Variants in LRP1 observed in about 807,000 individuals in gnomAD.
The protein encoded by LRP1 is prolow-density lipoprotein receptor-related protein 1.
In LRP1, 51 loss-of-function variants were observed where a neutral mutation model predicts 541.5. That is an observed-to-expected ratio of 0.09 (90% CI 0.08 to 0.12). The LOEUF is 0.12. LRP1 is among the 10% of genes least tolerant of loss of function. The probability of loss-of-function intolerance (pLI) is 1.00; values close to 1 mark genes in which losing one functional copy is unlikely to be tolerated. For synonymous variants in LRP1, 2,219 were observed against 2,470.8 expected (o/e 0.90, Z 3.02); for missense variants, 3,878 against 6,376.2 (o/e 0.61, Z 13.34).
intron 20 of LRP1, 62 bp downstream of exon 20, chr12:57,169,369 C>T: frequency 2.0e-6 from 3 of 1,471,130 alleles, no homozygotes; most frequent in Non-Finnish European, 2.8e-6. Flanking sequence ...GACACCCAGC[C>T]TATCCATCTG....
At chr12:57,144,863 TC>T (rs1272499115) in intron 4 of LRP1, 108 bp from the exon 5 acceptor site, 64 of 1,113,322 alleles carry the variant, frequency 5.7e-5, no homozygotes, top group Non-Finnish European at 8.0e-5. Flanking sequence ...TGCCGAACTG[TC>T]CTTCAAGGTA....
rs1417992708 is a variant in LRP1 at position 57,165,405 on chromosome 12, T to C, written c.2531-400T>C. 1 of 174,884 alleles carries C rather than the reference T, an allele frequency of 5.7e-6. No homozygotes were observed. The highest frequency in any genetic ancestry group is 2.4e-5 in the African/African-American group (1 of 41,916). The allele number at this position is 174,884 out of a possible 1,614,324, so 10.8% of individuals were successfully genotyped here. A position where few individuals can be genotyped will look rare whatever the true frequency, so the allele number is the denominator to read the frequency against. The stretch of plus-strand genomic sequence containing the variant: ...TCTTCACTTCTGCTGGTGGGACCGA[T>C]GAAACTGTGAAATAAAAAGTCCAGG... On this transcript the variant is annotated intron_variant, in intron 15 of 88. Transcript: ENST00000243077. This position sits in a 1 kb window ranked among gnomAD's most constrained non-coding sequence, Gnocchi z 4.5.
At position 57,181,170 on chromosome 12, in the gene LRP1, C is replaced by G. The variant is rs1427667945; in HGVS notation, c.5541C>G (p.Thr1847=). The change falls in exon 34 of 89, where the codon ACC becomes ACG. Residue 1847 remains threonine (T), a synonymous_variant. Transcript: ENST00000243077. Reference sequence around the variant, plus strand: ...ACCTGCCCCCAGACCATAAGGGCACCAACCCCTGCAGTGTCAACAACGGTG... The same window carrying G: ...ACCTGCCCCCAGACCATAAGGGCACGAACCCCTGCAGTGTCAACAACGGTG... ...DESIQLDHKG[T]NPCSVNNGDC... 1 of 1,613,366 alleles carries G rather than the reference C, an allele frequency of 6.2e-7. No homozygotes were observed. Among genetic ancestry groups the G allele is most frequent in the African/African-American group, 1.3e-5 (1 of 74,928 alleles).
chr12:57,193,854 C>T, intron 47 of LRP1, 45 bp from the exon 48 acceptor site: 1 of 1,599,698 alleles, frequency 6.3e-7, no homozygotes. Context: ...CTGGCCCCCA[C>T]AGAGAAAACT....
intron 77 of LRP1, 117 bp downstream of exon 77, chr12:57,208,333 T>G: frequency 9.1e-7 from 1 of 1,096,202 alleles, no homozygotes; most frequent in Non-Finnish European, 1.3e-6. Context: ...GAGGACAGAG[T>G]CCTTTTCAGT....
intron 22 of LRP1, among the ~76,000 whole-genome samples, chr12:57,174,349 CACAGAGAGA>C (rs2036002950): frequency 6.6e-6 from 1 of 152,178 alleles, no homozygotes; most frequent in Non-Finnish European, 1.5e-5. Context: ...ACATGCATAC[CACAGAGAGA>C]TGCGGAGTGC....
In LRP1 at chr12:57,181,359, C is replaced by A; in HGVS notation, c.5662+68C>A. The stretch of plus-strand genomic sequence containing the variant: ...ACCCTGACCCCTCCTACCCTACAGC[C>A]CCACCTTCCTCTTCTTACCTTGGGG... On this transcript the variant is annotated intron_variant, in intron 34 of 88. Transcript: ENST00000243077. 2.0e-6 allele frequency: 3 copies of A among 1,531,320 alleles called. No individual in the cohort carries two copies. In the South Asian group the frequency reaches 3.7e-5, roughly 19 times the overall value. 94.9% of individuals were successfully genotyped at this position (1,531,320 alleles called of 1,614,324 possible). A position where few individuals can be genotyped will look rare whatever the true frequency, so the allele number is the denominator to read the frequency against.
chr12:57,193,771 G>C, intron 47 of LRP1, 86 bp downstream of exon 47: 1 of 1,609,730 alleles, frequency 6.2e-7, no homozygotes, highest in Non-Finnish European at 8.5e-7. Flanking sequence ...TGGGCCCCGT[G>C]GTGTCTGGTT....
chr12:57,166,250 C>T (rs1410517652), intron 17 of LRP1, 41 bp downstream of exon 17: 4 of 1,558,976 alleles, frequency 2.6e-6, no homozygotes, highest in Non-Finnish European at 3.5e-6. Context: ...ACCCCTCAGT[C>T]AAGGAGGCAG....
Position 57,165,760 on chromosome 12 carries a change from G to T in LRP1, c.2531-45G>T, listed in dbSNP as rs760331716. The T allele has an allele frequency of 3.1e-6, 5 of 1,594,702 alleles. No homozygotes were observed. Among genetic ancestry groups the T allele is most frequent in the South Asian group, 2.2e-5 (2 of 90,612 alleles). ...GCAAAGGGCTTAGTACTTGTCCCAC[G>T]ACCGGGGTCTGACTTTCCCCCTCAC... On this transcript the variant is annotated intron_variant, in intron 15 of 88. Transcript: ENST00000243077. This position sits in a 1 kb window ranked among gnomAD's most constrained non-coding sequence, Gnocchi z 4.5.
intron 77 of LRP1, 182 bp from the exon 78 acceptor site, chr12:57,208,529 A>C (rs2036836982): frequency 1.7e-6 from 1 of 590,552 alleles, no homozygotes; most frequent in African/African-American, 1.9e-5. Flanking sequence ...CTGTGGTTTT[A>C]GAGGAAAAGC....
chr12:57,166,561 A>G (rs1381460803), intron 17 of LRP1: 8 of 388,050 alleles, frequency 2.1e-5, no homozygotes, highest in Non-Finnish European at 3.7e-5. Flanking sequence ...ACCTGTCTCT[A>G]AAAATAAAAT....
chr12:57,185,296 G>A lies in LRP1; in HGVS notation c.6463+91G>A. The A allele has an allele frequency of 6.4e-7, 1 of 1,551,434 alleles. No individual in the cohort carries two copies. Among genetic ancestry groups the A allele is most frequent in the Non-Finnish European group, 8.8e-7 (1 of 1,141,072 alleles). ...CAGGGAACCCAGTGTGAGAGGGCTG[G>A]GAGACAAGTTAGACCCATGGGGCAA... On this transcript the variant is annotated intron_variant, in intron 40 of 88. Coordinates refer to ENST00000243077, the MANE Select transcript of LRP1 (RefSeq NM_002332.3). This position sits in a 1 kb window ranked among gnomAD's most constrained non-coding sequence, Gnocchi z 4.9.
At chr12:57,192,387 C>T (rs547089848) in intron 44 of LRP1, among the ~76,000 whole-genome samples, 11 of 152,290 alleles carry the variant, frequency 7.2e-5, no homozygotes, top group African/African-American at 2.6e-4. Flanking sequence ...CCTCGGTGCC[C>T]CTACCCTCAC....
chr12:57,134,974 G>A (rs1327868541), intron 1 of LRP1, among the ~76,000 whole-genome samples: 1 of 152,164 alleles, frequency 6.6e-6, no homozygotes, highest in Non-Finnish European at 1.5e-5. Flanking sequence ...CAAAGTACTG[G>A]GATTACAGGC....
At position 57,205,230 on chromosome 12, in the gene LRP1, C is replaced by A. The variant is rs553846743; in HGVS notation, c.11316C>A (p.Asp3772Glu). Residue 3772 changes from aspartate to glutamate, a missense_variant, in exon 73 of 89, where the codon GAC becomes GAA. This residue lies in a region of LRP1 where 871 missense variants were observed against 1,212.4 expected (regional missense o/e 0.72). Coordinates refer to ENST00000243077, the MANE Select transcript of LRP1 (RefSeq NM_002332.3). The surrounding 1 kb of genome is among the most constrained non-coding windows in gnomAD (Gnocchi z 4.6). ...NMFDDCGDGS[D>E]EEDCSIDPKL... is the part of the protein sequence containing the mutation. ...TCGATGACTGCGGGGACGGCTCTGA[C>A]GAGGAGGACTGCAGCATCGGTGAGG... The A allele has an allele frequency of 6.2e-7, 1 of 1,613,328 alleles. No individual in the cohort carries two copies. The highest frequency in any genetic ancestry group is 1.3e-5 in the African/African-American group (1 of 75,036).
chr12:57,130,785 T>C (rs574374325), intron 1 of LRP1, among the ~76,000 whole-genome samples: 2 of 152,158 alleles, frequency 1.3e-5, no homozygotes, highest in South Asian at 2.1e-4. Context: ...CACACCAAGT[T>C]AGTGGAAGAG....
chr12:57,195,559 C>G, intron 52 of LRP1, 99 bp from the exon 53 acceptor site: 1 of 1,593,768 alleles, frequency 6.3e-7, no homozygotes, highest in Middle Eastern at 1.9e-4. Flanking sequence ...CATCCAGTGC[C>G]CTGCCCACTC....
intron 61 of LRP1, among the ~76,000 whole-genome samples, chr12:57,199,668 C>T (rs1285660778): frequency 7.2e-5 from 11 of 152,180 alleles, no homozygotes; most frequent in Admixed American, 7.2e-4. Context: ...AGGCCGGCCC[C>T]TGGGAGGGAA....
Sources: allele counts gnomAD v4.1 joint callset (sites outside exome capture counted in the v4.1 genomes callset), GRCh38; gene constraint gnomAD v4.1.1; regional missense constraint gnomAD v4.1.1; non-coding constraint Gnocchi (gnomAD v3.1); transcripts MANE v1.5; gene names NCBI Gene and HGNC (gene_info 2026-07-23, HGNC 2026-07-21).